The following KDM4A variants were observed in gnomAD, a reference collection of about 807,000 sequenced individuals.
KDM4A encodes the protein lysine-specific demethylase 4A.
In KDM4A, 23 loss-of-function variants were observed where a neutral mutation model predicts 127.1. The ratio of observed to expected loss-of-function variants is 0.18; its 90% CI spans 0.13 to 0.26. KDM4A has a LOEUF of 0.26. Ranked by LOEUF, KDM4A falls within the 10% of genes least tolerant of loss-of-function variation. The pLI, the probability that KDM4A is intolerant of heterozygous loss-of-function variation, is 1.00. For synonymous variants in KDM4A, 443 were observed against 466.5 expected, an observed-to-expected ratio of 0.95 and a Z score of 0.65; for missense variants, 890 against 1,329.1, an observed-to-expected ratio of 0.67 and a Z score of 5.14.
At chr1:43,690,707 G>A (rs959464859) in intron 13 of KDM4A, 138 bp from the exon 14 acceptor site, 56 of 810,080 alleles carry the variant, frequency 6.9e-5, no homozygotes, top group South Asian at 5.9e-4. Flanking sequence ...TAGCAGCTCC[G>A]GGATAATGGC....
In KDM4A at chr1:43,669,098, A is replaced by T; in HGVS notation, c.1164-2A>T. 1 of 1,614,208 alleles carries T rather than the reference A, an allele frequency of 6.2e-7. No individual in the cohort carries two copies. The highest frequency in any genetic ancestry group is 8.5e-7 in the Non-Finnish European group (1 of 1,180,040). Reference sequence around the variant, plus strand: ...TTAAAAGATTTGCCCTCTCCCTTGCAGCCTGGCCAAGCACCGAATAGGGAC... The same window carrying T: ...TTAAAAGATTTGCCCTCTCCCTTGCTGCCTGGCCAAGCACCGAATAGGGAC... On this transcript the variant is annotated splice_acceptor_variant, in intron 9 of 21. Coordinates refer to ENST00000372396, the MANE Select transcript of KDM4A (RefSeq NM_014663.3). LOFTEE classifies it high-confidence loss of function.
intron 21 of KDM4A, 21 bp from the exon 22 acceptor site, chr1:43,704,209 G>C (rs1317049191): frequency 6.2e-7 from 1 of 1,613,930 alleles, no homozygotes; most frequent in East Asian, 2.2e-5. Flanking sequence ...GCTGACACTT[G>C]GCTTGCTTAT....
In KDM4A at chr1:43,688,588, C is replaced by T. The variant is rs1661041025; in HGVS notation, c.1856-326C>T. ...TTTGGCAAGATGGTGCTTCATTCTG[C>T]TGTCCTTGGGCAGAAGGGCTGAATG... is the stretch of plus-strand genomic sequence containing the variant. On this transcript the variant is annotated intron_variant, in intron 12 of 21. Transcript: ENST00000372396. This position sits in a 1 kb window ranked among gnomAD's most constrained non-coding sequence, Gnocchi z 4.4. Among the ~76,000 whole-genome samples, 1 of 152,152 alleles carries T rather than the reference C, an allele frequency of 6.6e-6. No individual in the cohort carries two copies. The highest frequency in any genetic ancestry group is 1.5e-5 in the Non-Finnish European group (1 of 68,028).
chr1:43,653,421 G>A, intron 2 of KDM4A, 108 bp downstream of exon 2: 1 of 1,103,332 alleles, frequency 9.1e-7, no homozygotes, highest in Non-Finnish European at 1.3e-6. Flanking sequence ...TGGGTGGGGT[G>A]ATGACTTTAG....
chr1:43,696,536 C>T (rs757365103), intron 18 of KDM4A, among the ~76,000 whole-genome samples: 1 of 152,078 alleles, frequency 6.6e-6, no homozygotes, highest in African/African-American at 2.4e-5. Flanking sequence ...TAGGAAGGAC[C>T]TTAGGAAGAT....
chr1:43,671,710 T>C lies in KDM4A; in HGVS notation c.1569T>C (p.Ser523=), dbSNP rs1453187297. The change falls in exon 11 of 22, where the codon TCT becomes TCC. Residue 523 remains serine, a synonymous_variant. Coordinates refer to ENST00000372396, the MANE Select transcript of KDM4A (RefSeq NM_014663.3). ...GCTCTTCACGGGATTCTATCTCTTC[T>C]GATTCAGAAACTAGTGAGCCTCTCT... The part of the protein sequence containing the change: ...GSGSSRDSIS[S]DSETSEPLSC... 2 of 1,613,728 alleles carry C rather than the reference T, an allele frequency of 1.2e-6. No individual in the cohort carries two copies. The highest frequency in any genetic ancestry group is 1.7e-6 in the Non-Finnish European group (2 of 1,179,834).
intron 18 of KDM4A, among the ~76,000 whole-genome samples, chr1:43,697,383 G>T (rs1661266219): frequency 6.6e-6 from 1 of 152,252 alleles, no homozygotes; most frequent in Non-Finnish European, 1.5e-5. Flanking sequence ...TGTAGCTGGA[G>T]ACATCTGGGA....
In KDM4A at chr1:43,688,764, C is replaced by T. The variant is rs1268156895; in HGVS notation, c.1856-150C>T. 9.4e-6 allele frequency: 6 copies of T among 641,554 alleles called. No homozygotes were observed. Among genetic ancestry groups the T allele is most frequent in the Non-Finnish European group, 1.6e-5 (6 of 375,254 alleles). 39.7% of individuals were successfully genotyped at this position (641,554 alleles called of 1,614,324 possible). On this transcript the variant is annotated intron_variant, in intron 12 of 21. Transcript: ENST00000372396. The surrounding 1 kb of genome is among the most constrained non-coding windows in gnomAD (Gnocchi z 4.4). The stretch of plus-strand genomic sequence containing the variant: ...GAAGGAGTCTATTGACAGTTGCTTC[C>T]ACCCTTTGCCTTTATCATCCTTAGG...
intron 5 of KDM4A, among the ~76,000 whole-genome samples, chr1:43,665,426 A>T (rs1019634107): frequency 1.3e-5 from 2 of 152,060 alleles, no homozygotes; most frequent in African/African-American, 4.8e-5. Flanking sequence ...GAGTAATATT[A>T]TGTACCGTAA....
intron 15 of KDM4A, 134 bp from the exon 16 acceptor site, chr1:43,692,122 C>T: frequency 2.4e-6 from 2 of 818,224 alleles, no homozygotes. Context: ...CAGGGGCTGC[C>T]TGGGTGAAGC....
intron 5 of KDM4A, among the ~76,000 whole-genome samples, chr1:43,663,560 G>T (rs1333594942): frequency 6.6e-6 from 1 of 152,074 alleles, no homozygotes; most frequent in African/African-American, 2.4e-5. Flanking sequence ...TGTTATTCTT[G>T]TTGGTGAGAC....
intron 21 of KDM4A, 55 bp downstream of exon 21, chr1:43,704,167 A>C: frequency 7.4e-6 from 12 of 1,613,420 alleles, no homozygotes; most frequent in Non-Finnish European, 1.0e-5. Context: ...GAACAAGTCA[A>C]GGATGCATCC....
At chr1:43,691,824 A>C (rs995135554) in intron 15 of KDM4A, among the ~76,000 whole-genome samples, 2 of 152,106 alleles carry the variant, frequency 1.3e-5, no homozygotes, top group African/African-American at 4.8e-5. Context: ...GAGGAACAAT[A>C]ACTCCCTTAA....
rs775069900 is a variant in KDM4A, at chr1:43,669,310, T to C, written c.1363+11T>C. ...GTCTTACCTTCCCAGGTTAGTTGAC[T>C]ATGGTGTATTTTCCACAACCCTAAC... is the stretch of plus-strand genomic sequence containing the variant. On this transcript the variant is annotated intron_variant, in intron 10 of 21. Coordinates refer to ENST00000372396, the MANE Select transcript of KDM4A (RefSeq NM_014663.3). 2 of 1,613,582 alleles carry C rather than the reference T, an allele frequency of 1.2e-6. No homozygotes were observed. Among genetic ancestry groups the C allele is most frequent in the Admixed American group, 3.3e-5 (2 of 60,020 alleles).
chr1:43,681,781 A>G (rs1235338731), intron 11 of KDM4A, among the ~76,000 whole-genome samples: 1 of 152,212 alleles, frequency 6.6e-6, no homozygotes, highest in East Asian at 1.9e-4. Flanking sequence ...CTTTGTTTTT[A>G]TCTTAACCTT....
intron 11 of KDM4A, among the ~76,000 whole-genome samples, chr1:43,674,302 T>C (rs1309873922): frequency 6.6e-6 from 1 of 152,196 alleles, no homozygotes; most frequent in African/African-American, 2.4e-5. Flanking sequence ...TACTGCTTAA[T>C]TAATCTTATT....
At chr1:43,652,336 CTT>C (rs963211065) in intron 1 of KDM4A, among the ~76,000 whole-genome samples, 1 of 151,868 alleles carries the variant, frequency 6.6e-6, no homozygotes, top group Non-Finnish European at 1.5e-5. Context: ...AATTAGTTTC[CTT>C]TTTTTAGCTG....
intron 11 of KDM4A, among the ~76,000 whole-genome samples, chr1:43,680,529 T>C (rs901044490): frequency 3.3e-5 from 5 of 152,240 alleles, no homozygotes; most frequent in Non-Finnish European, 5.9e-5. Context: ...TGTTCTCTTA[T>C]GGTTCTTCAG....
rs201731278 is a variant in KDM4A at position 43,689,112 on chromosome 1, C to G, written c.2037+17C>G. 2 of 1,611,944 alleles carry G rather than the reference C, an allele frequency of 1.2e-6. No individual in the cohort carries two copies. Among genetic ancestry groups the G allele is most frequent in the African/African-American group, 1.3e-5 (1 of 75,006 alleles). Reference sequence around the variant, plus strand: ...TATCATCAGGTAACCCAGCTCCATGCACTCTGTTTACCCAGGACCAGCAAT... The same window carrying G: ...TATCATCAGGTAACCCAGCTCCATGGACTCTGTTTACCCAGGACCAGCAAT... On this transcript the variant is annotated intron_variant, in intron 13 of 21. Transcript: ENST00000372396.
Sources: allele counts gnomAD v4.1 joint callset (sites outside exome capture counted in the v4.1 genomes callset), GRCh38; gene constraint gnomAD v4.1.1; non-coding constraint Gnocchi (gnomAD v3.1); transcripts MANE v1.5; gene names NCBI Gene and HGNC (gene_info 2026-07-23, HGNC 2026-07-21).